The following SGCZ variants were observed in gnomAD, a reference collection of about 807,000 sequenced individuals.
SGCZ encodes the protein sarcoglycan zeta.
A neutral mutation model predicts 41.3 loss-of-function variants in SGCZ; 40 were observed. The ratio of observed to expected loss-of-function variants is 0.97; its 90% CI spans 0.75 to 1.26. SGCZ has a LOEUF of 1.26. Ranked by LOEUF, SGCZ falls within the 50% of genes most tolerant of loss-of-function variation. The pLI is 0.00. For missense variants in SGCZ, 552 were observed against 369.8 expected, an observed-to-expected ratio of 1.49 and a Z score of -4.04; for synonymous variants, 206 against 137.5, an observed-to-expected ratio of 1.50 and a Z score of -3.49.
chr8:14,140,696 C>A (rs1209387646), intron 5 of SGCZ, among the ~76,000 whole-genome samples: 1 of 152,140 alleles, frequency 6.6e-6, no homozygotes, highest in Non-Finnish European at 1.5e-5. Context: ...GAAGAACATT[C>A]CATGCTCATG....
intron 1 of SGCZ, among the ~76,000 whole-genome samples, chr8:14,914,924 C>T (rs1203062519): frequency 6.6e-6 from 1 of 152,120 alleles, no homozygotes; most frequent in African/African-American, 2.4e-5. Context: ...TTTTATTTGG[C>T]CACCAACACT....
chr8:14,767,693 A>C (rs1800084701), intron 1 of SGCZ, among the ~76,000 whole-genome samples: 1 of 152,208 alleles, frequency 6.6e-6, no homozygotes. Flanking sequence ...CTAGAGTCAC[A>C]AGAGAGCAAA....
chr8:15,126,310 T>C (rs1355400705), intron 1 of SGCZ, among the ~76,000 whole-genome samples: 1 of 152,246 alleles, frequency 6.6e-6, no homozygotes, highest in African/African-American at 2.4e-5. Context: ...GATATGATTA[T>C]ATTTAGGAAT....
intron 2 of SGCZ, among the ~76,000 whole-genome samples, chr8:14,530,863 C>T (rs1803107575): frequency 6.6e-6 from 1 of 152,000 alleles, no homozygotes; most frequent in Non-Finnish European, 1.5e-5. Flanking sequence ...GATAAATTAT[C>T]AGGACAATTC....
intron 1 of SGCZ, 45 bp from the exon 2 acceptor site, chr8:14,554,971 A>C (rs953110545): frequency 6.1e-6 from 9 of 1,476,764 alleles, no homozygotes; most frequent in African/African-American, 1.4e-5. Context: ...AAAAAAAAAG[A>C]AGCATTAAAA....
At chr8:14,484,984 CTT>C (rs1458897328) in intron 2 of SGCZ, among the ~76,000 whole-genome samples, 1 of 152,150 alleles carries the variant, frequency 6.6e-6, no homozygotes, top group African/African-American at 2.4e-5. Flanking sequence ...AAATAATACA[CTT>C]TTGCTCACAC....
intron 5 of SGCZ, among the ~76,000 whole-genome samples, chr8:14,122,240 G>A (rs1321327447): frequency 6.6e-6 from 1 of 152,136 alleles, no homozygotes; most frequent in African/African-American, 2.4e-5. Context: ...TTGCGCCACT[G>A]CACTCGGCAG....
intron 1 of SGCZ, among the ~76,000 whole-genome samples, chr8:14,816,451 G>A (rs919208963): frequency 6.6e-6 from 1 of 152,126 alleles, no homozygotes; most frequent in African/African-American, 2.4e-5. Flanking sequence ...ACTGATTTCT[G>A]TTCAGTAATT....
intron 1 of SGCZ, among the ~76,000 whole-genome samples, chr8:15,077,212 C>G (rs6994086): frequency 6.6e-6 from 1 of 152,090 alleles, no homozygotes; most frequent in Non-Finnish European, 1.5e-5. Flanking sequence ...ATAAGCATTA[C>G]AATGGCTTCA....
chr8:14,786,218 C>T (rs1353321906), intron 1 of SGCZ, among the ~76,000 whole-genome samples: 1 of 152,040 alleles, frequency 6.6e-6, no homozygotes, highest in Non-Finnish European at 1.5e-5. Flanking sequence ...TTTTATCAGA[C>T]AGTGGTCTTT....
At position 14,273,432 on chromosome 8, in the gene SGCZ, C is replaced by G. The variant is rs572302386; in HGVS notation, c.337-35753G>C. Among the ~76,000 whole-genome samples the G allele has an allele frequency of 2.6e-5, 4 of 152,170 alleles. No homozygotes were observed. In the East Asian group the frequency reaches 7.7e-4, roughly 29 times the overall value. On this transcript the variant is annotated intron_variant, in intron 3 of 7. Transcript: ENST00000382080. The stretch of plus-strand genomic sequence containing the variant: ...ACACATTTCTCCCACACAAATATCC[C>G]TCAGATGGACAAACAATTCAACTCC...
chr8:14,318,405 A>C (rs2117017662), intron 3 of SGCZ, among the ~76,000 whole-genome samples: 1 of 152,106 alleles, frequency 6.6e-6, no homozygotes, highest in East Asian at 1.9e-4. Context: ...TTATGATATA[A>C]AACATAAAAA....
intron 1 of SGCZ, among the ~76,000 whole-genome samples, chr8:14,644,038 G>T (rs1807119254): frequency 6.6e-6 from 1 of 151,544 alleles, no homozygotes; most frequent in African/African-American, 2.4e-5. Flanking sequence ...GGTCTATCAA[G>T]GATAACTTGA....
intron 1 of SGCZ, among the ~76,000 whole-genome samples, chr8:14,847,739 G>A (rs1256683815): frequency 8.3e-6 from 1 of 119,988 alleles, no homozygotes; most frequent in Non-Finnish European, 1.7e-5. Flanking sequence ...AGGGAGGCGG[G>A]AGAGAGGGAA....
chr8:14,482,119 T>C (rs890631753), intron 2 of SGCZ, among the ~76,000 whole-genome samples: 3 of 152,124 alleles, frequency 2.0e-5, no homozygotes, highest in Admixed American at 6.6e-5. Context: ...AAAATCAACA[T>C]AGTTTTCCCC....
chr8:14,351,015 G>T (rs770459442), intron 2 of SGCZ, among the ~76,000 whole-genome samples: 19 of 152,002 alleles, frequency 1.2e-4, no homozygotes, highest in Non-Finnish European at 2.5e-4. Context: ...AGTCCTCTCA[G>T]CTTTTGCTGT....
chr8:14,682,536 G>A (rs1460104951), intron 1 of SGCZ, among the ~76,000 whole-genome samples: 1 of 150,894 alleles, frequency 6.6e-6, no homozygotes, highest in Non-Finnish European at 1.5e-5. Context: ...CCGGGTTCAC[G>A]CCATCCTCCT....
chr8:14,320,362 G>C (rs1344810962), intron 3 of SGCZ, among the ~76,000 whole-genome samples: 1 of 151,716 alleles, frequency 6.6e-6, no homozygotes, highest in South Asian at 2.1e-4. Flanking sequence ...GAGGTAAGGA[G>C]ATTAGCATGT....
intron 2 of SGCZ, among the ~76,000 whole-genome samples, chr8:14,443,495 G>T (rs1800335703): frequency 6.6e-6 from 1 of 152,074 alleles, no homozygotes; most frequent in Non-Finnish European, 1.5e-5. Flanking sequence ...AGAGCCCTCA[G>T]AAATAACACC....
Sources: gnomAD v4.1 joint callset for allele counts (sites outside exome capture counted in the v4.1 genomes callset) on GRCh38, gnomAD v4.1.1 for gene constraint, MANE v1.5 for transcripts, NCBI Gene and HGNC (gene_info 2026-07-23, HGNC 2026-07-21) for gene names.